Variants in PLCXD3 observed in about 807,000 individuals in gnomAD.
The protein encoded by PLCXD3 is phosphatidylinositol specific phospholipase C X domain containing 3, also known as PI-PLC X domain-containing protein 3.
PLCXD3 carries 19 observed loss-of-function variants against 25.5 expected under a neutral mutation model. That is an observed-to-expected ratio of 0.75 (90% CI 0.52 to 1.09). The LOEUF is 1.09. Ranked by LOEUF, PLCXD3 falls within the 50% of genes least tolerant of loss-of-function variation. The pLI is 0.00. For synonymous variants in PLCXD3, 174 were observed against 137.6 expected (o/e 1.26, Z -1.85); for missense variants, 411 against 388.1 (o/e 1.06, Z -0.50).
At chr5:41,419,704 C>T (rs1010779568) in intron 1 of PLCXD3, among the ~76,000 whole-genome samples, 30 of 152,106 alleles carry the variant, frequency 2.0e-4, no homozygotes, top group Non-Finnish European at 2.9e-4. Flanking sequence ...TTGCCCCAGT[C>T]CCACTACTTC....
intron 1 of PLCXD3, among the ~76,000 whole-genome samples, chr5:41,413,283 G>C (rs1002970928): frequency 6.6e-6 from 1 of 152,148 alleles, no homozygotes; most frequent in Non-Finnish European, 1.5e-5. Flanking sequence ...GGATGGCTGC[G>C]AGCTGGCTCA....
intron 1 of PLCXD3, among the ~76,000 whole-genome samples, chr5:41,395,268 T>C (rs1196255377): frequency 6.6e-6 from 1 of 152,058 alleles, no homozygotes; most frequent in African/African-American, 2.4e-5. Flanking sequence ...GAAAAATTTG[T>C]TGAAACAAAT....
intron 1 of PLCXD3, among the ~76,000 whole-genome samples, chr5:41,430,296 A>C (rs1747065889): frequency 6.6e-6 from 1 of 152,176 alleles, no homozygotes; most frequent in Admixed American, 6.5e-5. Flanking sequence ...GCTTTCCATG[A>C]GAGAGGAATG....
At chr5:41,430,307 A>G (rs1218552519) in intron 1 of PLCXD3, among the ~76,000 whole-genome samples, 2 of 152,194 alleles carry the variant, frequency 1.3e-5, no homozygotes, top group African/African-American at 4.8e-5. Flanking sequence ...GAGAGGAATG[A>G]GTTCAAGAAA....
chr5:41,440,810 C>T (rs752391481), intron 1 of PLCXD3, among the ~76,000 whole-genome samples: 2 of 152,144 alleles, frequency 1.3e-5, no homozygotes, highest in Non-Finnish European at 2.9e-5. Flanking sequence ...TGAAAAGACC[C>T]AAGCTGGACC....
intron 1 of PLCXD3, among the ~76,000 whole-genome samples, chr5:41,504,760 C>G (rs188028851): frequency 3.9e-5 from 6 of 152,290 alleles, no homozygotes; most frequent in African/African-American, 1.4e-4. Context: ...AGGAAAATGG[C>G]AGATACCATG....
At chr5:41,360,842 G>C (rs571204305) in intron 2 of PLCXD3, among the ~76,000 whole-genome samples, 1 of 152,072 alleles carries the variant, frequency 6.6e-6, no homozygotes, top group Non-Finnish European at 1.5e-5. Context: ...TTGGCCTCCC[G>C]CCAGGAGGTA....
intron 1 of PLCXD3, among the ~76,000 whole-genome samples, chr5:41,486,887 G>T (rs1408505552): frequency 6.6e-6 from 1 of 152,182 alleles, no homozygotes; most frequent in Non-Finnish European, 1.5e-5. Flanking sequence ...TGGAGCTATT[G>T]TAAGTAGCAG....
chr5:41,345,863 T>C (rs1019555756), intron 2 of PLCXD3, among the ~76,000 whole-genome samples: 9 of 150,270 alleles, frequency 6.0e-5, no homozygotes, highest in African/African-American at 2.0e-4. Context: ...TTTCTTTTTT[T>C]CTTTTTTCTT....
At chr5:41,470,905 C>G (rs1229635357) in intron 1 of PLCXD3, among the ~76,000 whole-genome samples, 9 of 152,170 alleles carry the variant, frequency 5.9e-5, no homozygotes, top group Non-Finnish European at 2.9e-5. Flanking sequence ...TTCCCAAGTG[C>G]ACCCTATCAA....
chr5:41,510,164 G>A (rs1171988506), intron 1 of PLCXD3, among the ~76,000 whole-genome samples: 1 of 152,158 alleles, frequency 6.6e-6, no homozygotes, highest in Non-Finnish European at 1.5e-5. Flanking sequence ...CTCTGCCCCA[G>A]TCCTCCGCAT....
rs199518284 is a variant in PLCXD3, at chr5:41,491,982, G to A, written c.103+18442C>T. On this transcript the variant is annotated intron_variant, in intron 1 of 2. Coordinates refer to ENST00000377801, the MANE Select transcript of PLCXD3 (RefSeq NM_001005473.3). ...ATGAATTTGATCCTGTCATTATGATGTTAGCTGGTTATTTTGCTCATTAGT... is the reference window on the plus strand; with the variant it reads ...ATGAATTTGATCCTGTCATTATGATATTAGCTGGTTATTTTGCTCATTAGT... Among the ~76,000 whole-genome samples, 105 of 152,310 alleles carry A rather than the reference G, an allele frequency of 6.9e-4. No individual in the cohort carries two copies. The East Asian group carries it at 0.016, about 23-fold the overall frequency.
intron 2 of PLCXD3, among the ~76,000 whole-genome samples, chr5:41,370,640 C>G (rs184550996): frequency 1.3e-5 from 2 of 152,208 alleles, no homozygotes; most frequent in East Asian, 3.9e-4. Flanking sequence ...CAGAGTCACC[C>G]TTGTTTATCA....
intron 2 of PLCXD3, among the ~76,000 whole-genome samples, chr5:41,373,458 G>A (rs891562279): frequency 6.6e-6 from 1 of 152,100 alleles, no homozygotes; most frequent in African/African-American, 2.4e-5. Flanking sequence ...AGATTCTTCT[G>A]TAAACTGTTG....
At chr5:41,372,035 A>G (rs779656900) in intron 2 of PLCXD3, among the ~76,000 whole-genome samples, 1 of 152,072 alleles carries the variant, frequency 6.6e-6, no homozygotes, top group Non-Finnish European at 1.5e-5. Flanking sequence ...GACTGAGTAA[A>G]TATCCCTGCT....
chr5:41,368,381 A>G (rs1744997701), intron 2 of PLCXD3, among the ~76,000 whole-genome samples: 2 of 152,150 alleles, frequency 1.3e-5, no homozygotes, highest in South Asian at 4.1e-4. Flanking sequence ...TTGCACATTA[A>G]TTTTGTATCC....
intron 1 of PLCXD3, among the ~76,000 whole-genome samples, chr5:41,472,079 A>G (rs2150520355): frequency 6.7e-6 from 1 of 149,690 alleles, no homozygotes; most frequent in Non-Finnish European, 1.5e-5. Flanking sequence ...GCTCAATTCC[A>G]GAAAAATGCC....
intron 1 of PLCXD3, among the ~76,000 whole-genome samples, chr5:41,452,635 G>C (rs905803348): frequency 6.6e-6 from 1 of 152,018 alleles, no homozygotes; most frequent in African/African-American, 2.4e-5. Context: ...ATACACTCAA[G>C]TTGCCCCTCT....
chr5:41,488,071 C>T (rs1165867531), intron 1 of PLCXD3, among the ~76,000 whole-genome samples: 1 of 121,624 alleles, frequency 8.2e-6, no homozygotes, highest in Non-Finnish European at 1.7e-5. Flanking sequence ...TCCCCCCTCC[C>T]CCCTCCCCCC....
Sources: allele counts gnomAD v4.1 joint callset (sites outside exome capture counted in the v4.1 genomes callset), GRCh38; gene constraint gnomAD v4.1.1; transcripts MANE v1.5; gene names NCBI Gene and HGNC (gene_info 2026-07-23, HGNC 2026-07-21).